The following ROBO1 variants were observed in gnomAD, a reference collection of about 807,000 sequenced individuals.
ROBO1 encodes the protein roundabout guidance receptor 1, also known as roundabout homolog 1.
A neutral mutation model predicts 195.9 loss-of-function variants in ROBO1; 149 were observed. The ratio of observed to expected loss-of-function variants is 0.76; its 90% confidence interval spans 0.67 to 0.87. The LOEUF (loss-of-function observed/expected upper bound fraction) is 0.87, where lower values mean the gene tolerates loss of function less well. Ranked by LOEUF, ROBO1 falls within the 40% of genes least tolerant of loss-of-function variation. The pLI is 0.00. For missense variants in ROBO1, 1,933 were observed against 2,068.3 expected, an observed-to-expected ratio of 0.93 and a Z score of 1.27; for synonymous variants, 816 against 733.2, an observed-to-expected ratio of 1.11 and a Z score of -1.82.
chr3:78,866,602 A>T (rs1271896603), intron 4 of ROBO1, among the ~76,000 whole-genome samples: 1 of 152,192 alleles, frequency 6.6e-6, no homozygotes, highest in East Asian at 1.9e-4. Flanking sequence ...GTAATAATGC[A>T]TTGTTGTAGG....
Position 79,059,783 on chromosome 3 carries a change from A to G in ROBO1, c.172+65673T>C, listed in dbSNP as rs545525819. ...CCTCATCTTCCTAAACTGAGGATGTATGTTGCCTCAGGACCCTGTGATGAG... is the reference window on the plus strand; with the variant it reads ...CCTCATCTTCCTAAACTGAGGATGTGTGTTGCCTCAGGACCCTGTGATGAG... On this transcript the variant is annotated intron_variant, in intron 3 of 30. Transcript: ENST00000464233. Among the ~76,000 whole-genome samples, 3 of 152,058 alleles carry G rather than the reference A, an allele frequency of 2.0e-5. No individual in the cohort carries two copies. The East Asian group carries it at 5.9e-4, about 30-fold the overall frequency.
intron 4 of ROBO1, among the ~76,000 whole-genome samples, chr3:78,805,342 T>C (rs1448754432): frequency 1.3e-5 from 2 of 152,166 alleles, no homozygotes; most frequent in African/African-American, 2.4e-5. Context: ...TTCTTTTGTT[T>C]CTTAATGATA....
chr3:78,960,185 T>C (rs1019850797), intron 3 of ROBO1, among the ~76,000 whole-genome samples: 1 of 152,040 alleles, frequency 6.6e-6, no homozygotes, highest in East Asian at 1.9e-4. Context: ...TCTAAAAACA[T>C]AGAAAATTAA....
At chr3:79,422,654 G>C (rs2038275803) in intron 2 of ROBO1, among the ~76,000 whole-genome samples, 1 of 152,090 alleles carries the variant, frequency 6.6e-6, no homozygotes, top group South Asian at 2.1e-4. Flanking sequence ...TATGAGAAAT[G>C]AGGGCTTTGT....
chr3:78,766,919 T>C (rs2083243069), intron 4 of ROBO1, among the ~76,000 whole-genome samples: 1 of 152,210 alleles, frequency 6.6e-6, no homozygotes, highest in Admixed American at 6.5e-5. Flanking sequence ...GTGTATCGCA[T>C]TGACTGGCTT....
chr3:79,226,636 G>T (rs1454017951), intron 2 of ROBO1, among the ~76,000 whole-genome samples: 2 of 151,426 alleles, frequency 1.3e-5, no homozygotes, highest in Non-Finnish European at 2.9e-5. Flanking sequence ...GACCTCCTGG[G>T]CTCAAGCGAT....
At chr3:79,470,301 A>C (rs937187163) in intron 2 of ROBO1, among the ~76,000 whole-genome samples, 4 of 152,152 alleles carry the variant, frequency 2.6e-5, no homozygotes, top group Non-Finnish European at 5.9e-5. Flanking sequence ...TCAGCAAACT[A>C]TCTCAAGGAC....
intron 27 of ROBO1, among the ~76,000 whole-genome samples, chr3:78,615,252 A>G (rs137988882): frequency 1.6e-4 from 25 of 151,846 alleles, no homozygotes; most frequent in Non-Finnish European, 3.4e-4. Context: ...TGGCACCCAT[A>G]TTTTAATTAA....
intron 2 of ROBO1, among the ~76,000 whole-genome samples, chr3:79,549,430 C>G (rs1308583872): frequency 6.6e-6 from 1 of 152,148 alleles, no homozygotes; most frequent in Admixed American, 6.6e-5. Context: ...CTGGGTAATA[C>G]AGTCGGCCCT....
At chr3:79,501,590 C>T (rs1294237019) in intron 2 of ROBO1, among the ~76,000 whole-genome samples, 1 of 152,172 alleles carries the variant, frequency 6.6e-6, no homozygotes, top group East Asian at 1.9e-4. Flanking sequence ...AGGGTTGCCT[C>T]CCTAGCTATC....
chr3:78,736,733 T>G (rs2082401028), intron 5 of ROBO1, among the ~76,000 whole-genome samples: 1 of 152,172 alleles, frequency 6.6e-6, no homozygotes, highest in Non-Finnish European at 1.5e-5. Context: ...TGAGAATGCT[T>G]TAGTTTACTG....
chr3:78,850,746 A>T (rs1216903496), intron 4 of ROBO1, among the ~76,000 whole-genome samples: 1 of 152,160 alleles, frequency 6.6e-6, no homozygotes, highest in Non-Finnish European at 1.5e-5. Flanking sequence ...GGATTGGGGT[A>T]CCACTCAATG....
At chr3:78,980,717 TCCTAG>T (rs1265730826) in intron 3 of ROBO1, among the ~76,000 whole-genome samples, 1 of 152,136 alleles carries the variant, frequency 6.6e-6, no homozygotes, top group Non-Finnish European at 1.5e-5. Context: ...GAACTTAGTT[TCCTAG>T]GTCTTTTTTC....
chr3:79,044,224 T>C lies in ROBO1; in HGVS notation c.172+81232A>G, dbSNP rs1200432960. Among the ~76,000 whole-genome samples the C allele has an allele frequency of 3.3e-5, 5 of 152,116 alleles. No individual in the cohort carries two copies. In the East Asian group the frequency reaches 9.6e-4, roughly 29 times the overall value. ...AGTTAAAGCCATTCTGGGCCATATA[T>C]GGCCTGTGGGCTGTGGGGTGGACAA... On this transcript the variant is annotated intron_variant, in intron 3 of 30. Transcript: ENST00000464233.
At chr3:79,549,336 A>G (rs182977402) in intron 2 of ROBO1, among the ~76,000 whole-genome samples, 1 of 152,204 alleles carries the variant, frequency 6.6e-6, no homozygotes, top group Non-Finnish European at 1.5e-5. Flanking sequence ...TATATATGAT[A>G]CACAAACAAT....
Position 78,627,329 on chromosome 3 carries a change from G to A in ROBO1, c.3867C>T (p.Pro1289=), listed in dbSNP as rs767560477. ...PEETGHMQHQ[P]DRRRQPVSPP... ...GGCTAGTGACAACATACCTCCTGTC[G>A]GGCTGGTGCTGCATGTGGCCAGTCT... The change falls in exon 26 of 31, where the codon CCC becomes CCT. Residue 1289 remains proline, a synonymous_variant. Transcript: ENST00000464233. 5 of 1,611,900 alleles carry A rather than the reference G, an allele frequency of 3.1e-6. No homozygotes were observed. The South Asian group carries it at 3.3e-5, about 11-fold the overall frequency.
intron 2 of ROBO1, among the ~76,000 whole-genome samples, chr3:79,406,191 G>A (rs1216378752): frequency 6.7e-6 from 1 of 150,290 alleles, no homozygotes; most frequent in African/African-American, 2.5e-5. Context: ...AGAATGTTGA[G>A]ATGTGATGCT....
intron 2 of ROBO1, among the ~76,000 whole-genome samples, chr3:79,465,849 G>A (rs78726247): frequency 0.049 from 7,377 of 151,892 alleles, 489 homozygotes; most frequent in African/African-American, 0.15. Context: ...ATCATTTAAA[G>A]GTTTATCTTT....
chr3:79,292,883 G>A (rs147142371), intron 2 of ROBO1, among the ~76,000 whole-genome samples: 2,543 of 152,194 alleles, frequency 0.017, 66 homozygotes, highest in African/African-American at 0.056. Flanking sequence ...GGATGATGCT[G>A]GCCTCATAAA....
Sources: gnomAD v4.1 joint callset for allele counts (sites outside exome capture counted in the v4.1 genomes callset) on GRCh38, gnomAD v4.1.1 for gene constraint, MANE v1.5 for transcripts, NCBI Gene and HGNC (gene_info 2026-07-23, HGNC 2026-07-21) for gene names.